Variants in HFM1 observed in about 807,000 individuals in gnomAD.
HFM1 encodes probable ATP-dependent DNA helicase HFM1.
Under a neutral mutation model 192.1 loss-of-function variants are expected in HFM1, and 169 were observed. The ratio of observed to expected loss-of-function variants is 0.88; its 90% confidence interval spans 0.78 to 1.00. The LOEUF is 1.00. HFM1 is among the 50% of genes least tolerant of loss of function. The pLI is 0.00. For missense variants in HFM1, 1,661 were observed against 1,668.0 expected, an observed-to-expected ratio of 1.00 and a Z score of 0.07; for synonymous variants, 525 against 537.8, an observed-to-expected ratio of 0.98 and a Z score of 0.33.
intron 6 of HFM1, among the ~76,000 whole-genome samples, chr1:91,382,345 T>C (rs957048007): frequency 1.3e-5 from 2 of 152,170 alleles, no homozygotes; most frequent in Non-Finnish European, 2.9e-5. Flanking sequence ...CTTATTTATA[T>C]GTTATTATAG....
At chr1:91,306,863 A>C (rs1394604633) in intron 30 of HFM1, among the ~76,000 whole-genome samples, 2 of 152,184 alleles carry the variant, frequency 1.3e-5, no homozygotes, top group Non-Finnish European at 2.9e-5. Flanking sequence ...CAATTTCATT[A>C]CTAGTATCAG....
intron 4 of HFM1, among the ~76,000 whole-genome samples, chr1:91,390,632 A>T (rs1571219562): frequency 6.6e-6 from 1 of 152,176 alleles, no homozygotes; most frequent in African/African-American, 2.4e-5. Flanking sequence ...TTTATGACAG[A>T]CCCACAGCCA....
At chr1:91,389,885 C>T (rs890172990) in intron 4 of HFM1, among the ~76,000 whole-genome samples, 35 of 152,060 alleles carry the variant, frequency 2.3e-4, no homozygotes, top group African/African-American at 6.0e-4. Flanking sequence ...TATAAAGTGA[C>T]GCAGCCACTT....
chr1:91,340,505 C>G lies in HFM1; in HGVS notation c.2335+2925G>C, dbSNP rs117521372. Among the ~76,000 whole-genome samples, 239 of 152,304 alleles carry G rather than the reference C, an allele frequency of 1.6e-3. 3 individuals are homozygous for G. The East Asian group carries it at 0.023, about 15-fold the overall frequency. ...ACCATTACTGGCCACCACAAAGACA[C>G]ACTTTAGTATCTAGACCATTGACAC... On this transcript the variant is annotated intron_variant, in intron 20 of 38. Transcript: ENST00000370425.
rs545279522 is a variant in HFM1, at chr1:91,321,374, G to A, written c.2582+1576C>T. Among the ~76,000 whole-genome samples, 26 of 152,276 alleles carry A rather than the reference G, an allele frequency of 1.7e-4. 1 individual carries two copies. Among genetic ancestry groups the A allele is most frequent in the African/African-American group, 5.8e-4 (24 of 41,560 alleles). On this transcript the variant is annotated intron_variant, in intron 23 of 38. Transcript: ENST00000370425. ...CAGGAGAATCGCTTGAGCCCGGGAG[G>A]CAGAGGTTGCAGTGAGCGGAGATCA...
intron 13 of HFM1, among the ~76,000 whole-genome samples, chr1:91,366,513 C>T (rs988059948): frequency 6.6e-6 from 1 of 152,112 alleles, no homozygotes; most frequent in African/African-American, 2.4e-5. Context: ...GCCTCTCTAC[C>T]CTATACCTAC....
chr1:91,313,538 T>C, intron 29 of HFM1, 43 bp from the exon 30 acceptor site: 1 of 1,369,950 alleles, frequency 7.3e-7, no homozygotes, highest in Middle Eastern at 2.2e-4. Context: ...ATTTGTCATA[T>C]AAATCCACAT....
In HFM1 at chr1:91,315,946, T is replaced by C. The variant is rs530864698; in HGVS notation, c.3009A>G (p.Ala1003=). The C allele has an allele frequency of 3.1e-6, 5 of 1,591,812 alleles. No homozygotes were observed. The African/African-American group carries it at 6.7e-5, about 21-fold the overall frequency. Residue 1003 remains alanine, a synonymous_variant, in exon 28 of 39, where the codon GCA becomes GCG. Transcript: ENST00000370425. Reference sequence around the variant, plus strand: ...TTAATATAACAGTCACTAATATTTCTGCCGTCGTATCACTATATCTTGTAA... The same window carrying C: ...TTAATATAACAGTCACTAATATTTCCGCCGTCGTATCACTATATCTTGTAA... ...EQITRYSDTT[A]EILVTVILRN...
intron 13 of HFM1, among the ~76,000 whole-genome samples, chr1:91,364,461 AT>A (rs1658951367): frequency 6.6e-6 from 1 of 151,318 alleles, no homozygotes; most frequent in African/African-American, 2.4e-5. Context: ...AGAAGAGATC[AT>A]TACCTCATAA....
intron 32 of HFM1, 42 bp from the exon 33 acceptor site, chr1:91,274,851 T>G (rs1426464365): frequency 9.8e-7 from 1 of 1,023,670 alleles, no homozygotes. Context: ...CAGTTTCACA[T>G]CAATAACTTG....
At chr1:91,364,605 TAC>T (rs1658984498) in intron 13 of HFM1, among the ~76,000 whole-genome samples, 7 of 109,172 alleles carry the variant, frequency 6.4e-5, no homozygotes, top group East Asian at 6.6e-4. Context: ...CATATACATA[TAC>T]ATATATATAT....
intron 20 of HFM1, chr1:91,329,115 G>A: frequency 6.2e-7 from 1 of 1,609,992 alleles, no homozygotes; most frequent in Non-Finnish European, 8.5e-7. Flanking sequence ...CAAGCGGGCT[G>A]TGGATCTAAT....
rs1652382035 is a variant in HFM1, at chr1:91,323,112, G to C, written c.2515C>G (p.Pro839Ala). ...CTGTACCTGATAGTTATCCGATTTG[G>C]ATCTTTGTTCAAAGTATTCAGTGTT... Reference protein sequence around the residue: ...KKTLNTLNKDPNRITIRFPME... With the variant: ...KKTLNTLNKDANRITIRFPME... The change falls in exon 22 of 39, where the codon CCA (proline) becomes GCA (alanine). Residue 839 changes from proline (P) to alanine (A), a missense_variant. Physicochemically the swap from Pro to Ala is conservative, Grantham distance 27. Transcript: ENST00000370425. 4 of 1,566,478 alleles carry C rather than the reference G, an allele frequency of 2.6e-6. No individual in the cohort carries two copies. Among genetic ancestry groups the C allele is most frequent in the African/African-American group, 2.7e-5 (2 of 73,638 alleles).
At chr1:91,324,885 C>T (rs2101383064) in intron 20 of HFM1, 119 bp from the exon 21 acceptor site, 1 of 680,620 alleles carries the variant, frequency 1.5e-6, no homozygotes, top group Non-Finnish European at 2.7e-6. Context: ...GAAGCCTAGA[C>T]CATTGGTCCT....
chr1:91,313,514 G>GTA lies in HFM1; in HGVS notation c.3245-21_3245-20dup. 6.6e-7 allele frequency: 1 copy of GTA among 1,524,406 alleles called. No individual in the cohort carries two copies. The highest frequency in any genetic ancestry group is 1.3e-5 in the South Asian group (1 of 76,090). The allele number at this position is 1,524,406 out of a possible 1,614,324, so 94.4% of individuals were successfully genotyped here. On this transcript the variant is annotated intron_variant, in intron 29 of 38. Coordinates refer to ENST00000370425, the MANE Select transcript of HFM1 (RefSeq NM_001017975.6). Reference sequence around the variant, plus strand: ...AGCCCAACTGGAAAATGAAAAAAAAGTACACAAATGTTTATTTGTCATATA... The same window carrying GTA: ...AGCCCAACTGGAAAATGAAAAAAAAGTATACACAAATGTTTATTTGTCATATA...
At position 91,353,110 on chromosome 1, in the gene HFM1, T is replaced by TC; in HGVS notation, c.1771dup (p.Glu591GlyfsTer5). On this transcript the variant is annotated frameshift_variant, in exon 15 of 39. Coordinates refer to ENST00000370425, the MANE Select transcript of HFM1 (RefSeq NM_001017975.6). LOFTEE classifies it high-confidence loss of function. Reference sequence around the variant, plus strand: ...CTCAACTACTTTTCTATCTGACAGCTCCATACCAGCATGATGATAAGCAGC... The same window carrying TC: ...CTCAACTACTTTTCTATCTGACAGCTCCCATACCAGCATGATGATAAGCAGC... 6.2e-7 allele frequency: 1 copy of TC among 1,611,306 alleles called. No homozygotes were observed.
chr1:91,299,895 A>C (rs1648400712), intron 30 of HFM1, among the ~76,000 whole-genome samples: 1 of 152,220 alleles, frequency 6.6e-6, no homozygotes, highest in South Asian at 2.1e-4. Context: ...AAGAGCAAAC[A>C]CATTCAAAAG....
chr1:91,387,967 CAAAA>C (rs1557512650), intron 4 of HFM1, among the ~76,000 whole-genome samples: 1 of 114,226 alleles, frequency 8.8e-6, no homozygotes, highest in South Asian at 3.0e-4. Context: ...AACAAACAAA[CAAAA>C]AAAAGAAATA....
In HFM1 at chr1:91,291,862, G is replaced by C. The variant is rs370064811; in HGVS notation, c.3392-14800C>G. Among the ~76,000 whole-genome samples the C allele has an allele frequency of 9.2e-5, 14 of 152,226 alleles. No individual in the cohort carries two copies. In the East Asian group the frequency reaches 1.9e-3, roughly 21 times the overall value. The stretch of plus-strand genomic sequence containing the variant: ...CAAAAAGCTTACCCACCATGATCAA[G>C]TGGGCTTCATCCCTGGGATGCAAGG... On this transcript the variant is annotated intron_variant, in intron 30 of 38. Coordinates refer to ENST00000370425, the MANE Select transcript of HFM1 (RefSeq NM_001017975.6).
Sources: allele counts gnomAD v4.1 joint callset (sites outside exome capture counted in the v4.1 genomes callset), GRCh38; gene constraint gnomAD v4.1.1; transcripts MANE v1.5; gene names NCBI Gene and HGNC (gene_info 2026-07-23, HGNC 2026-07-21).